Variants in SLC35F3 observed in about 807,000 individuals in gnomAD.
SLC35F3 encodes the protein putative thiamine transporter SLC35F3.
A neutral mutation model predicts 49.9 loss-of-function variants in SLC35F3; 25 were observed. That is an observed-to-expected ratio of 0.50 (90% CI 0.37 to 0.70). The LOEUF (loss-of-function observed/expected upper bound fraction) is 0.70. Ranked by LOEUF, SLC35F3 falls within the 30% of genes least tolerant of loss-of-function variation. The probability of loss-of-function intolerance (pLI) is 0.00; values close to 1 mark genes in which losing one functional copy is unlikely to be tolerated. For synonymous variants in SLC35F3, 275 were observed against 265.4 expected, an observed-to-expected ratio of 1.04 and a Z score of -0.35; for missense variants, 525 against 639.8, an observed-to-expected ratio of 0.82 and a Z score of 1.94.
At chr1:234,143,305 T>G (rs1445505481) in intron 2 of SLC35F3, among the ~76,000 whole-genome samples, 3 of 149,496 alleles carry the variant, frequency 2.0e-5, no homozygotes, top group African/African-American at 7.5e-5. Flanking sequence ...TTTTTTTTTT[T>G]GAGATAAAGG....
intron 2 of SLC35F3, among the ~76,000 whole-genome samples, chr1:234,098,177 G>A (rs982360139): frequency 2.5e-4 from 38 of 150,976 alleles, no homozygotes; most frequent in African/African-American, 8.5e-4. Flanking sequence ...GATGATGGAG[G>A]TGGTGACTGT....
chr1:233,946,721 A>G (rs1417728208), intron 2 of SLC35F3, among the ~76,000 whole-genome samples: 1 of 152,244 alleles, frequency 6.6e-6, no homozygotes, highest in African/African-American at 2.4e-5. Context: ...GACAATGGTA[A>G]CCACTGAACT....
intron 2 of SLC35F3, among the ~76,000 whole-genome samples, chr1:233,968,800 A>C (rs12043262): frequency 0.047 from 7,214 of 152,090 alleles, 264 homozygotes; most frequent in East Asian, 0.17. Context: ...GTAGTTTTTC[A>C]ACCCTCATCC....
At chr1:234,030,520 T>A (rs901482500) in intron 2 of SLC35F3, among the ~76,000 whole-genome samples, 3 of 152,172 alleles carry the variant, frequency 2.0e-5, no homozygotes, top group African/African-American at 7.2e-5. Context: ...TTAGGGCCAG[T>A]TGATTATTTT....
chr1:233,973,588 A>C (rs1663028900), intron 2 of SLC35F3, among the ~76,000 whole-genome samples: 1 of 152,194 alleles, frequency 6.6e-6, no homozygotes, highest in South Asian at 2.1e-4. Flanking sequence ...GAAGCTTATG[A>C]GTTAGATGAG....
At chr1:234,191,657 CA>C (rs1666732442) in intron 2 of SLC35F3, among the ~76,000 whole-genome samples, 2 of 151,378 alleles carry the variant, frequency 1.3e-5, no homozygotes, top group Non-Finnish European at 2.9e-5. Flanking sequence ...ACAAATGAAA[CA>C]AAAAGCTGGT....
chr1:233,921,285 TTTC>T (rs1422543529), intron 2 of SLC35F3, among the ~76,000 whole-genome samples: 1 of 152,138 alleles, frequency 6.6e-6, no homozygotes, highest in South Asian at 2.1e-4. Flanking sequence ...AGTACAGAGA[TTTC>T]TTATATCCGC....
chr1:234,009,537 C>T (rs1349234214), intron 2 of SLC35F3, among the ~76,000 whole-genome samples: 2 of 152,098 alleles, frequency 1.3e-5, no homozygotes, highest in African/African-American at 4.8e-5. Context: ...CAACTCATTC[C>T]CCAGCTCTAT....
intron 2 of SLC35F3, among the ~76,000 whole-genome samples, chr1:234,087,147 A>G (rs543263468): frequency 6.6e-6 from 1 of 152,170 alleles, no homozygotes; most frequent in African/African-American, 2.4e-5. Flanking sequence ...CCCCACCACC[A>G]CTGCTTCCAA....
At chr1:233,937,623 G>A (rs116793947) in intron 2 of SLC35F3, among the ~76,000 whole-genome samples, 1 of 152,192 alleles carries the variant, frequency 6.6e-6, no homozygotes, top group African/African-American at 2.4e-5. Flanking sequence ...AGACAAAGAA[G>A]AACCTTTGAA....
chr1:234,298,897 AG>A (rs1668647611), intron 3 of SLC35F3, among the ~76,000 whole-genome samples: 1 of 152,234 alleles, frequency 6.6e-6, no homozygotes, highest in South Asian at 2.1e-4. Context: ...CAGGATTTAA[AG>A]TACCAGGATC....
chr1:234,193,249 T>C (rs1450533997), intron 2 of SLC35F3, among the ~76,000 whole-genome samples: 1 of 152,150 alleles, frequency 6.6e-6, no homozygotes, highest in Non-Finnish European at 1.5e-5. Flanking sequence ...AATAGGCACA[T>C]AGACCAACGG....
chr1:234,127,763 C>A (rs1157406354), intron 2 of SLC35F3, among the ~76,000 whole-genome samples: 1 of 152,122 alleles, frequency 6.6e-6, no homozygotes, highest in Non-Finnish European at 1.5e-5. Flanking sequence ...CACGAGTTTA[C>A]ATTAGAATAG....
chr1:234,075,035 A>G (rs1371181646), intron 2 of SLC35F3, among the ~76,000 whole-genome samples: 1 of 152,202 alleles, frequency 6.6e-6, no homozygotes, highest in Non-Finnish European at 1.5e-5. Context: ...AATCAAGGAG[A>G]AAATAAAGAA....
chr1:234,036,701 G>T (rs1377034152), intron 2 of SLC35F3, among the ~76,000 whole-genome samples: 1 of 152,236 alleles, frequency 6.6e-6, no homozygotes. Flanking sequence ...AATAGAGGAA[G>T]CTGGAGGGTA....
chr1:233,913,029 T>G (rs1395703548), intron 2 of SLC35F3, among the ~76,000 whole-genome samples: 1 of 152,200 alleles, frequency 6.6e-6, no homozygotes, highest in African/African-American at 2.4e-5. Context: ...CCTAAAAGCT[T>G]ACTTACTGGA....
At chr1:234,112,701 G>A (rs753472025) in intron 2 of SLC35F3, among the ~76,000 whole-genome samples, 48 of 124,448 alleles carry the variant, frequency 3.9e-4, no homozygotes, top group Admixed American at 1.6e-3. Flanking sequence ...GACTACAGGC[G>A]TCCGCCACCA....
intron 2 of SLC35F3, among the ~76,000 whole-genome samples, chr1:234,094,314 C>G (rs577664754): frequency 6.6e-6 from 1 of 152,208 alleles, no homozygotes; most frequent in Non-Finnish European, 1.5e-5. Context: ...CAGCAGAATC[C>G]AACCGGAACT....
chr1:233,989,082 A>T (rs186760636), intron 2 of SLC35F3, among the ~76,000 whole-genome samples: 43 of 152,362 alleles, frequency 2.8e-4, no homozygotes, highest in African/African-American at 9.6e-4. Context: ...TCCATTTGTC[A>T]AGATGGTCAC....
Sources: gnomAD v4.1 joint callset for allele counts (sites outside exome capture counted in the v4.1 genomes callset) on GRCh38, gnomAD v4.1.1 for gene constraint, MANE v1.5 for transcripts, NCBI Gene and HGNC (gene_info 2026-07-23, HGNC 2026-07-21) for gene names.